Variants in SETD2 observed in about 807,000 individuals in gnomAD.
The protein encoded by SETD2 is SET domain containing 2, histone lysine methyltransferase, also known as histone-lysine N-methyltransferase SETD2.
Under a neutral mutation model 242.1 loss-of-function variants are expected in SETD2, and 31 were observed. That is an observed-to-expected ratio of 0.13 (90% CI 0.10 to 0.17). The LOEUF (loss-of-function observed/expected upper bound fraction) is 0.17. Ranked by LOEUF, SETD2 falls within the 10% of genes least tolerant of loss-of-function variation. The probability of loss-of-function intolerance (pLI) is 1.00; values close to 1 mark genes in which losing one functional copy is unlikely to be tolerated. For synonymous variants in SETD2, 1,006 were observed against 1,066.5 expected, an observed-to-expected ratio of 0.94 and a Z score of 1.11; for missense variants, 2,481 against 3,046.3, an observed-to-expected ratio of 0.81 and a Z score of 4.37.
At chr3:47,153,727 T>C (rs1355233864) in intron 1 of SETD2, among the ~76,000 whole-genome samples, 2 of 150,358 alleles carry the variant, frequency 1.3e-5, no homozygotes, top group Non-Finnish European at 3.0e-5. Context: ...CACTCCAGCC[T>C]AGGTGACAAG....
In SETD2 at chr3:47,088,051, A is replaced by G. The variant is rs2041640670; in HGVS notation, c.5277+62T>C. On this transcript the variant is annotated intron_variant, in intron 10 of 20. Transcript: ENST00000409792. ...TATCAGAATTATTCCTTCTTCATTC[A>G]TCTTCATTCATTCATTCCCACCACA... 4 of 1,472,422 alleles carry G rather than the reference A, an allele frequency of 2.7e-6. No homozygotes were observed. The South Asian group carries it at 5.0e-5, about 19-fold the overall frequency. 91.2% of individuals were successfully genotyped at this position (1,472,422 alleles called of 1,614,324 possible).
chr3:47,101,596 TAG>T (rs1491283393), intron 7 of SETD2, 41 bp from the exon 8 acceptor site: 10 of 985,804 alleles, frequency 1.0e-5, no homozygotes, highest in African/African-American at 4.1e-5. Flanking sequence ...AGTAACTTAT[TAG>T]TGTGTGTGTG....
At chr3:47,131,425 G>A (rs1575829696) in intron 1 of SETD2, among the ~76,000 whole-genome samples, 1 of 151,618 alleles carries the variant, frequency 6.6e-6, no homozygotes, top group African/African-American at 2.4e-5. Flanking sequence ...CTCACTGCAA[G>A]CTCCGCCTCC....
chr3:47,123,732 A>G lies in SETD2; in HGVS notation c.904T>C (p.Cys302Arg), dbSNP rs2106710960. ...IPDSSKISLS[C>R]KKTGSKKKSS... is the part of the protein sequence containing the mutation. ...TTCTTCTTAGAACCTGTTTTTTTAC[A>G]GCTCAGACTAATCTTAGAACTATCT... The change falls in exon 3 of 21, where the codon TGT (cysteine) becomes CGT (arginine). Residue 302 changes from cysteine (C) to arginine (R), a missense_variant. Around this residue, in one of 17 missense-constraint regions of SETD2, gnomAD observed 334 missense variants for 374.5 expected, o/e 0.89. Transcript: ENST00000409792. The G allele has an allele frequency of 6.4e-7, 1 of 1,550,986 alleles. No individual in the cohort carries two copies. The highest frequency in any genetic ancestry group is 8.7e-7 in the Non-Finnish European group (1 of 1,146,716).
intron 17 of SETD2, 39 bp from the exon 18 acceptor site, chr3:47,037,816 G>T: frequency 1.4e-6 from 2 of 1,404,260 alleles, no homozygotes; most frequent in South Asian, 1.2e-5. Context: ...TCAGGGCTAG[G>T]AAACAGAGAA....
At chr3:47,045,684 T>C (rs1186485437) in intron 16 of SETD2, among the ~76,000 whole-genome samples, 1 of 79,720 alleles carries the variant, frequency 1.3e-5, no homozygotes, top group African/African-American at 5.9e-5. Context: ...GGTGACAGAG[T>C]TAAAAAAAAA....
At chr3:47,111,344 A>G (rs1318464624) in intron 5 of SETD2, among the ~76,000 whole-genome samples, 1 of 152,156 alleles carries the variant, frequency 6.6e-6, no homozygotes, top group African/African-American at 2.4e-5. Context: ...TGCTTCAAAT[A>G]AACAATTAAA....
chr3:47,086,393 C>T, intron 10 of SETD2, 79 bp from the exon 11 acceptor site: 1 of 1,426,196 alleles, frequency 7.0e-7, no homozygotes, highest in South Asian at 1.2e-5. Context: ...GAGGAGAGTT[C>T]ATGTATACGT....
At chr3:47,049,430 T>C (rs1299460068) in intron 15 of SETD2, among the ~76,000 whole-genome samples, 5 of 140,340 alleles carry the variant, frequency 3.6e-5, no homozygotes, top group Non-Finnish European at 7.6e-5. Flanking sequence ...TGGAGTGCAG[T>C]GGCACGACCT....
rs1444059587 is a variant in SETD2, at chr3:47,163,931, C to T, written c.-7G>A. 7.7e-7 allele frequency: 1 copy of T among 1,291,640 alleles called. No individual in the cohort carries two copies. Among genetic ancestry groups the T allele is most frequent in the Non-Finnish European group, 9.9e-7 (1 of 1,014,358 alleles). 80.0% of individuals were successfully genotyped at this position (1,291,640 alleles called of 1,614,324 possible). On this transcript the variant is annotated 5_prime_UTR_variant, in exon 1 of 21. Transcript: ENST00000409792. ...GCGGCTGCAGCTGCTTCATCGGGAGCGGCTGGAGACGGCGACGCGAGCCCC... is the reference window on the plus strand; with the variant it reads ...GCGGCTGCAGCTGCTTCATCGGGAGTGGCTGGAGACGGCGACGCGAGCCCC...
Position 47,062,454 on chromosome 3 carries a change from A to G in SETD2, c.6110-108T>C, listed in dbSNP as rs776322861. ...CTGTATAATAAAACTTCTATCCAAC[A>G]AATGTATCTATGGACTCCTCCGTCA... On this transcript the variant is annotated intron_variant, in intron 13 of 20. Transcript: ENST00000409792. 44 of 1,008,110 alleles carry G rather than the reference A, an allele frequency of 4.4e-5. 1 individual carries two copies. The highest frequency in any genetic ancestry group is 1.2e-4 in the Admixed American group (5 of 40,680). 62.4% of individuals were successfully genotyped at this position (1,008,110 alleles called of 1,614,324 possible).
chr3:47,163,749 T>G, intron 1 of SETD2, 105 bp downstream of exon 1: 2 of 989,700 alleles, frequency 2.0e-6, no homozygotes, highest in Non-Finnish European at 1.3e-6. Flanking sequence ...ACCGTGGGCC[T>G]GTTACTCCTC....
intron 1 of SETD2, among the ~76,000 whole-genome samples, chr3:47,151,963 A>T: frequency 6.6e-6 from 1 of 152,118 alleles, no homozygotes; most frequent in Non-Finnish European, 1.5e-5. Flanking sequence ...GTCTTTTTAT[A>T]TTCAATCACT....
At chr3:47,143,475 C>A (rs1328060511) in intron 1 of SETD2, among the ~76,000 whole-genome samples, 3 of 152,158 alleles carry the variant, frequency 2.0e-5, no homozygotes, top group Non-Finnish European at 2.9e-5. Context: ...CAAAAAATAT[C>A]TTTTGTGCTC....
At chr3:47,032,544 C>T (rs1351285981) in intron 18 of SETD2, among the ~76,000 whole-genome samples, 1 of 149,900 alleles carries the variant, frequency 6.7e-6, no homozygotes, top group Admixed American at 6.7e-5. Context: ...AAAACAAAAA[C>T]AAAAAAAAAC....
rs76496241 is a variant in SETD2, at chr3:47,164,012, CGCG to C, written c.-91_-89del. On this transcript the variant is annotated 5_prime_UTR_variant, in exon 1 of 21. Coordinates refer to ENST00000409792, the MANE Select transcript of SETD2 (RefSeq NM_014159.7). The surrounding 1 kb of genome is among the most constrained non-coding windows in gnomAD (Gnocchi z 5.4). ...GAGGGGAGGAGGCCGCAGGTCCGAC[CGCG>C]GCGGCGGCGGCGGCGGCGGCGGCGG... The C allele has an allele frequency of 2.6e-3, 3,115 of 1,191,642 alleles. 15 individuals are homozygous for C. The highest frequency in any genetic ancestry group is 0.013 in the African/African-American group (823 of 62,092). The allele number at this position is 1,191,642 out of a possible 1,614,324, so 73.8% of individuals were successfully genotyped here.
chr3:47,089,852 G>A (rs1229355707), intron 9 of SETD2, among the ~76,000 whole-genome samples: 2 of 152,280 alleles, frequency 1.3e-5, no homozygotes, highest in East Asian at 3.9e-4. Context: ...CAAAGTAGTG[G>A]GGAAAAGTGT....
chr3:47,142,152 C>G (rs954196291), intron 1 of SETD2, among the ~76,000 whole-genome samples: 1 of 152,114 alleles, frequency 6.6e-6, no homozygotes, highest in Non-Finnish European at 1.5e-5. Context: ...CCTGGTACAT[C>G]CGTTCAATGT....
chr3:47,146,622 G>A (rs962641194), intron 1 of SETD2, among the ~76,000 whole-genome samples: 67 of 98,364 alleles, frequency 6.8e-4, no homozygotes, highest in Non-Finnish European at 1.2e-3. Flanking sequence ...GTGAGACTCC[G>A]TCTAAAAAAA....
Sources: allele counts gnomAD v4.1 joint callset (sites outside exome capture counted in the v4.1 genomes callset), GRCh38; gene constraint gnomAD v4.1.1; regional missense constraint gnomAD v4.1.1; non-coding constraint Gnocchi (gnomAD v3.1); transcripts MANE v1.5; gene names NCBI Gene and HGNC (gene_info 2026-07-23, HGNC 2026-07-21).